Variants in CENPE observed in about 807,000 individuals in gnomAD.
CENPE encodes centromere-associated protein E.
In CENPE, 145 loss-of-function variants were observed where a neutral mutation model predicts 336.1. That is an observed-to-expected ratio of 0.43 (90% CI 0.38 to 0.50). The LOEUF (loss-of-function observed/expected upper bound fraction) is 0.50, where lower values mean the gene tolerates loss of function less well. CENPE is among the 20% of genes least tolerant of loss of function. The probability of loss-of-function intolerance (pLI) is 0.00; values close to 1 mark genes in which losing one functional copy is unlikely to be tolerated. For missense variants in CENPE, 2,719 were observed against 3,023.3 expected (o/e 0.90, Z 2.36); for synonymous variants, 1,013 against 984.8 (o/e 1.03, Z -0.54).
At chr4:103,173,874 T>A (rs1187463137) in intron 16 of CENPE, among the ~76,000 whole-genome samples, 1 of 151,906 alleles carries the variant, frequency 6.6e-6, no homozygotes, top group African/African-American at 2.4e-5. Flanking sequence ...GAGAACTTGT[T>A]GGCAAGGATG....
At chr4:103,185,661 A>G in intron 9 of CENPE, 149 bp downstream of exon 9, 1 of 491,362 alleles carries the variant, frequency 2.0e-6, no homozygotes, top group Non-Finnish European at 3.6e-6. Context: ...TCTATGTTAA[A>G]CTTTTATCAG....
chr4:103,182,142 A>G (rs1312697860), intron 11 of CENPE, among the ~76,000 whole-genome samples: 1 of 147,036 alleles, frequency 6.8e-6, no homozygotes, highest in Non-Finnish European at 1.5e-5. Flanking sequence ...CCTAGGCTGG[A>G]GTGCAATGGC....
chr4:103,143,328 C>T lies in CENPE; in HGVS notation c.5224G>A (p.Gly1742Arg). The T allele has an allele frequency of 6.2e-7, 1 of 1,605,998 alleles. No individual in the cohort carries two copies. The highest frequency in any genetic ancestry group is 8.5e-7 in the Non-Finnish European group (1 of 1,173,192). ...EHQETIDKLR[G>R]IVSEKTNEIS... ...TCATTTGTTTTCTCTGAAACAATCC[C>T]TCTTAGTTTATCAATAGTTTCTTGG... The change falls in exon 34 of 49, where the codon GGG becomes AGG. Residue 1742 changes from glycine to arginine, a missense_variant. Around this residue, in one of 5 missense-constraint regions of CENPE, gnomAD observed 2,437 missense variants for 2,513.3 expected, o/e 0.97. Coordinates refer to ENST00000265148, the MANE Select transcript of CENPE (RefSeq NM_001813.3).
intron 8 of CENPE, among the ~76,000 whole-genome samples, chr4:103,193,522 A>G (rs1757520199): frequency 6.6e-6 from 1 of 152,154 alleles, no homozygotes; most frequent in Non-Finnish European, 1.5e-5. Context: ...AAAAATGCAG[A>G]ATAAAGCAAT....
chr4:103,175,894 A>G, intron 15 of CENPE, 66 bp downstream of exon 15: 1 of 1,006,824 alleles, frequency 9.9e-7, no homozygotes, highest in East Asian at 2.5e-5. Flanking sequence ...CAAGTAACAA[A>G]ACCTAATAAC....
intron 35 of CENPE, 135 bp downstream of exon 35, chr4:103,141,615 C>T (rs1307223506): frequency 1.7e-5 from 10 of 591,376 alleles, no homozygotes; most frequent in Non-Finnish European, 2.6e-5. Context: ...AATGTTGGGC[C>T]TCAGGCAGGC....
intron 4 of CENPE, among the ~76,000 whole-genome samples, chr4:103,195,546 T>C (rs1035114763): frequency 2.0e-4 from 31 of 152,254 alleles, no homozygotes; most frequent in African/African-American, 6.5e-4. Context: ...CGGTTGCCTA[T>C]TCTGGCTTTC....
At chr4:103,188,570 A>G (rs1757010557) in intron 8 of CENPE, among the ~76,000 whole-genome samples, 1 of 152,202 alleles carries the variant, frequency 6.6e-6, no homozygotes, top group Non-Finnish European at 1.5e-5. Context: ...TGAAGGCAGA[A>G]ATAAAGATGT....
At chr4:103,197,527 G>T (rs963686123) in intron 1 of CENPE, among the ~76,000 whole-genome samples, 1 of 152,138 alleles carries the variant, frequency 6.6e-6, no homozygotes, top group African/African-American at 2.4e-5. Context: ...TCAAAAATAG[G>T]AAATTCCTGA....
In CENPE at chr4:103,123,027, T is replaced by C; in HGVS notation, c.6987A>G (p.Glu2329=). The part of the protein sequence containing the change: ...ERSATISKEW[E]QDLKSLKEKN... ...TCTCTTTCAGTGATTTCAGGTCCTG[T>C]TCCCACTCTTTGGATATGGTAGCAC... Residue 2329 remains glutamate, a synonymous_variant, in exon 43 of 49, where the codon GAA becomes GAG. Transcript: ENST00000265148. The C allele has an allele frequency of 6.2e-7, 1 of 1,613,910 alleles. No homozygotes were observed. The highest frequency in any genetic ancestry group is 8.5e-7 in the Non-Finnish European group (1 of 1,179,856).
At chr4:103,130,891 G>C (rs906919915) in intron 42 of CENPE, among the ~76,000 whole-genome samples, 1 of 126,828 alleles carries the variant, frequency 7.9e-6, no homozygotes, top group African/African-American at 3.1e-5. Context: ...TAATTGTGCT[G>C]AATCTGGACT....
intron 6 of CENPE, 68 bp downstream of exon 6, chr4:103,194,534 GT>G: frequency 6.8e-7 from 1 of 1,464,718 alleles, no homozygotes; most frequent in Non-Finnish European, 9.4e-7. Context: ...ATGATTTGAG[GT>G]CCAAACGTGC....
At chr4:103,166,287 T>C (rs964429107) in intron 16 of CENPE, among the ~76,000 whole-genome samples, 13 of 152,194 alleles carry the variant, frequency 8.5e-5, no homozygotes, top group African/African-American at 2.4e-5. Flanking sequence ...CAATTCATAA[T>C]AGGATTGGAT....
intron 34 of CENPE, among the ~76,000 whole-genome samples, 183 bp downstream of exon 34, chr4:103,143,065 G>C (rs1287568466): frequency 1.4e-5 from 2 of 147,214 alleles, no homozygotes; most frequent in Admixed American, 6.7e-5. Context: ...CTTGGATCTT[G>C]AGATAATCAT....
chr4:103,164,259 C>T (rs944756313), intron 16 of CENPE, among the ~76,000 whole-genome samples: 8 of 152,054 alleles, frequency 5.3e-5, no homozygotes, highest in South Asian at 2.1e-4. Flanking sequence ...TATCTGAGTA[C>T]CAAAAAGTTT....
chr4:103,183,365 T>C, intron 9 of CENPE, 77 bp from the exon 10 acceptor site: 1 of 1,173,414 alleles, frequency 8.5e-7, no homozygotes, highest in Non-Finnish European at 1.2e-6. Flanking sequence ...ACTAAGTTAA[T>C]GAGAGAAATT....
intron 42 of CENPE, among the ~76,000 whole-genome samples, chr4:103,124,716 T>C (rs1001413624): frequency 6.6e-6 from 1 of 152,194 alleles, no homozygotes; most frequent in Non-Finnish European, 1.5e-5. Flanking sequence ...TTCCTGCAGA[T>C]TGTACTTTCT....
At chr4:103,117,390 T>C (rs1452390015) in intron 44 of CENPE, among the ~76,000 whole-genome samples, 1 of 152,164 alleles carries the variant, frequency 6.6e-6, no homozygotes, top group Non-Finnish European at 1.5e-5. Context: ...AAATGGCACA[T>C]GTCCATCATT....
At chr4:103,113,616 T>C (rs1461801803) in intron 46 of CENPE, among the ~76,000 whole-genome samples, 1 of 142,822 alleles carries the variant, frequency 7.0e-6, no homozygotes, top group African/African-American at 2.6e-5. Context: ...AATAAAGAAG[T>C]AATAGATATA....
Sources: allele counts gnomAD v4.1 joint callset (sites outside exome capture counted in the v4.1 genomes callset), GRCh38; gene constraint gnomAD v4.1.1; regional missense constraint gnomAD v4.1.1; transcripts MANE v1.5; gene names NCBI Gene and HGNC (gene_info 2026-07-23, HGNC 2026-07-21).